The following TCF4 variants were observed in gnomAD, a reference collection of about 807,000 sequenced individuals.
TCF4 encodes SL3-3 enhancer factor 2.
TCF4 carries 3 observed loss-of-function variants against 82.1 expected under a neutral mutation model. That is an observed-to-expected ratio of 0.04 (90% CI 0.02 to 0.09). The LOEUF is 0.09. Ranked by LOEUF, TCF4 falls within the 10% of genes least tolerant of loss-of-function variation. The probability of loss-of-function intolerance (pLI) is 1.00; values close to 1 mark genes in which losing one functional copy is unlikely to be tolerated. For synonymous variants in TCF4, 276 were observed against 309.6 expected, an observed-to-expected ratio of 0.89 and a Z score of 1.14; for missense variants, 518 against 852.7, an observed-to-expected ratio of 0.61 and a Z score of 4.89.
intron 3 of TCF4, among the ~76,000 whole-genome samples, chr18:55,514,291 A>G (rs748464149): frequency 1.5e-4 from 23 of 152,118 alleles, no homozygotes; most frequent in Non-Finnish European, 2.6e-4. Context: ...ATCGAGCAAC[A>G]TGGTCTCCAA....
At chr18:55,525,554 C>T (rs1252652061) in intron 3 of TCF4, among the ~76,000 whole-genome samples, 1 of 152,102 alleles carries the variant, frequency 6.6e-6, no homozygotes, top group Non-Finnish European at 1.5e-5. Context: ...AAATGAGACA[C>T]AGTAAAGTTA....
At chr18:55,479,345 T>C (rs2096371637) in intron 3 of TCF4, 1 of 154,208 alleles carries the variant, frequency 6.5e-6, no homozygotes, top group South Asian at 2.0e-4. Flanking sequence ...AGACACTGGA[T>C]TTTATCAAAT....
chr18:55,502,465 G>C (rs1176773307), intron 3 of TCF4, among the ~76,000 whole-genome samples: 1 of 152,120 alleles, frequency 6.6e-6, no homozygotes, highest in Non-Finnish European at 1.5e-5. Context: ...CATAGTAAAG[G>C]AAAACTTGGA....
chr18:55,621,510 T>TA (rs1355013053), intron 2 of TCF4, among the ~76,000 whole-genome samples: 136 of 676 alleles, frequency 0.2, 12 homozygotes, highest in Admixed American at 0.35. Flanking sequence ...ACATTATATA[T>TA]ATATTATATA....
chr18:55,581,819 G>A (rs990825786), intron 3 of TCF4, among the ~76,000 whole-genome samples: 1 of 152,054 alleles, frequency 6.6e-6, no homozygotes, highest in Non-Finnish European at 1.5e-5. Context: ...CAGAGATGTG[G>A]TGTGTTTTAA....
At chr18:55,245,674 T>C (rs1176056229) in intron 15 of TCF4, among the ~76,000 whole-genome samples, 4 of 152,234 alleles carry the variant, frequency 2.6e-5, no homozygotes, top group Non-Finnish European at 5.9e-5. Context: ...TCATGTTTAT[T>C]ATATGGCTCT....
chr18:55,579,181 A>G (rs2097554587), intron 3 of TCF4, among the ~76,000 whole-genome samples: 1 of 151,454 alleles, frequency 6.6e-6, no homozygotes, highest in African/African-American at 2.4e-5. Flanking sequence ...CCTAAGTATT[A>G]AGAGAGATAT....
At chr18:55,250,304 G>A (rs1280222589) in intron 15 of TCF4, among the ~76,000 whole-genome samples, 1 of 152,140 alleles carries the variant, frequency 6.6e-6, no homozygotes, top group Non-Finnish European at 1.5e-5. Context: ...CCACCACTTT[G>A]GAGGGAAAGT....
intron 1 of TCF4, among the ~76,000 whole-genome samples, chr18:55,634,620 C>A (rs780734364): frequency 6.6e-6 from 1 of 151,998 alleles, no homozygotes; most frequent in Non-Finnish European, 1.5e-5. Flanking sequence ...GGGCTTTGTA[C>A]TTTGGTGATG....
chr18:55,589,185 G>T, upstream of TCF4: 1 of 812,036 alleles, frequency 1.2e-6, no homozygotes, highest in Non-Finnish European at 1.5e-6. Context: ...TTTTCCCATT[G>T]GCAATTATTT....
chr18:55,621,729 A>G (rs1389308768), intron 2 of TCF4, among the ~76,000 whole-genome samples: 1 of 85,794 alleles, frequency 1.2e-5, no homozygotes, highest in African/African-American at 4.6e-5. Flanking sequence ...TTATATTTAT[A>G]ATTATACAAT....
intron 5 of TCF4, among the ~76,000 whole-genome samples, chr18:55,448,007 G>GC (rs2144227659): frequency 1.6e-5 from 2 of 129,032 alleles, no homozygotes; most frequent in African/African-American, 5.7e-5. Context: ...GGATGATATG[G>GC]GGGGGGAGGT....
At chr18:55,294,383 T>C (rs1660245) in intron 8 of TCF4, among the ~76,000 whole-genome samples, 16,194 of 152,054 alleles carry the variant, frequency 0.11, 1,574 homozygotes, top group African/African-American at 0.26. Context: ...GCACATCCAA[T>C]ACAATGGGTT....
At chr18:55,309,226 C>T (rs1196117147) in intron 8 of TCF4, among the ~76,000 whole-genome samples, 1 of 152,040 alleles carries the variant, frequency 6.6e-6, no homozygotes, top group Non-Finnish European at 1.5e-5. Flanking sequence ...ATCCTCCTGC[C>T]TCAATCTCCT....
chr18:55,574,020 A>T (rs1299058578), intron 3 of TCF4, among the ~76,000 whole-genome samples: 1 of 152,164 alleles, frequency 6.6e-6, no homozygotes, highest in Non-Finnish European at 1.5e-5. Flanking sequence ...TCCTAGAAGT[A>T]AATGAGTACC....
intron 6 of TCF4, among the ~76,000 whole-genome samples, chr18:55,394,410 T>C (rs1217392854): frequency 6.6e-6 from 1 of 152,120 alleles, no homozygotes. Context: ...GAAAATAACA[T>C]ATATCTGGTA....
chr18:55,278,916 A>G (rs1331850442), intron 9 of TCF4, among the ~76,000 whole-genome samples: 1 of 152,206 alleles, frequency 6.6e-6, no homozygotes, highest in Non-Finnish European at 1.5e-5. Flanking sequence ...ATCAGTAGCA[A>G]GACTACAAGC....
At chr18:55,576,394 G>C (rs1434586773) in intron 3 of TCF4, among the ~76,000 whole-genome samples, 1 of 151,988 alleles carries the variant, frequency 6.6e-6, no homozygotes, top group East Asian at 1.9e-4. Flanking sequence ...GATTATAATC[G>C]GTAACACCCC....
chr18:55,635,877 C>A (rs1311679529), exon 1 of TCF4: 1 of 1,567,982 alleles, frequency 6.4e-7, no homozygotes, highest in Non-Finnish European at 8.7e-7. Context: ...GTGGTATTTT[C>A]TCCAGCCTTT....
Sources: gnomAD v4.1 joint callset for allele counts (sites outside exome capture counted in the v4.1 genomes callset) on GRCh38, gnomAD v4.1.1 for gene constraint, MANE v1.5 for transcripts, NCBI Gene and HGNC (gene_info 2026-07-23, HGNC 2026-07-21) for gene names.